The following RNF121 variants were observed in gnomAD, a reference collection of about 807,000 sequenced individuals.
RNF121 encodes ring finger protein 121, also known as E3 ubiquitin ligase RNF121.
A neutral mutation model predicts 46.5 loss-of-function variants in RNF121; 21 were observed. The observed-to-expected ratio is 0.45, with a 90% CI of 0.32 to 0.65. RNF121 has a LOEUF of 0.65. RNF121 is among the 30% of genes least tolerant of loss of function. The pLI is 0.04. For synonymous variants in RNF121, 139 were observed against 144.7 expected (o/e 0.96, Z 0.28); for missense variants, 346 against 416.0 (o/e 0.83, Z 1.46).
chr11:71,961,747 ATC>A (rs1954138885), intron 3 of RNF121, among the ~76,000 whole-genome samples: 1 of 152,156 alleles, frequency 6.6e-6, no homozygotes, highest in Admixed American at 6.5e-5. Flanking sequence ...CCCCTCATTT[ATC>A]GATATGCTGT....
At position 71,990,908 on chromosome 11, in the gene RNF121, C is replaced by T. The variant is rs1301046383; in HGVS notation, c.627+191C>T. On this transcript the variant is annotated intron_variant, in intron 6 of 8. Transcript: ENST00000361756. ...AACACAGCCATAAAAAAAGATAAAA[C>T]CATGTGCGTTGCAGCAACATGCCAG... 5 of 685,680 alleles carry T rather than the reference C, an allele frequency of 7.3e-6. No homozygotes were observed. In the Admixed American group the frequency reaches 1.2e-4, roughly 17 times the overall value. 42.5% of individuals were successfully genotyped at this position (685,680 alleles called of 1,614,324 possible). A position where few individuals can be genotyped will look rare whatever the true frequency, so the allele number is the denominator to read the frequency against.
intron 3 of RNF121, among the ~76,000 whole-genome samples, chr11:71,973,613 C>G (rs1408943550): frequency 6.6e-6 from 1 of 152,024 alleles, no homozygotes; most frequent in Non-Finnish European, 1.5e-5. Context: ...ATGGTAAAAC[C>G]CCGTCTCTAC....
At chr11:71,958,495 T>C (rs1954047396) in intron 2 of RNF121, among the ~76,000 whole-genome samples, 2 of 152,122 alleles carry the variant, frequency 1.3e-5, no homozygotes, top group South Asian at 4.1e-4. Context: ...CTGTCTTTAA[T>C]AGTCAAGGTA....
chr11:71,991,750 A>G (rs1954866253), intron 6 of RNF121, among the ~76,000 whole-genome samples: 1 of 152,194 alleles, frequency 6.6e-6, no homozygotes, highest in Non-Finnish European at 1.5e-5. Flanking sequence ...TGTATGGCCA[A>G]GAAGTGCCTG....
At chr11:71,929,225 C>T (rs2134135180) in intron 1 of RNF121, 101 bp downstream of exon 1, 3 of 1,469,950 alleles carry the variant, frequency 2.0e-6, no homozygotes, top group Admixed American at 4.7e-5. Flanking sequence ...GGGAAAGATC[C>T]TGAGAGGGAA....
chr11:71,991,906 A>T (rs1954869108), intron 6 of RNF121, among the ~76,000 whole-genome samples: 1 of 151,532 alleles, frequency 6.6e-6, no homozygotes, highest in African/African-American at 2.4e-5. Context: ...GGAGTTCAAG[A>T]CCAGCCTGAG....
chr11:71,967,304 A>G (rs1590795818), intron 3 of RNF121, among the ~76,000 whole-genome samples: 1 of 142,566 alleles, frequency 7.0e-6, no homozygotes, highest in Non-Finnish European at 1.5e-5. Flanking sequence ...AATATTATAT[A>G]TTGACTTCCT....
intron 4 of RNF121, chr11:71,983,784 CAG>C (rs1954710415): frequency 6.6e-6 from 1 of 152,386 alleles, no homozygotes; most frequent in Non-Finnish European, 1.5e-5. Context: ...AGTGCTATGA[CAG>C]AGGTTTGTGT....
At chr11:71,940,943 T>TA (rs1953553735) in intron 1 of RNF121, among the ~76,000 whole-genome samples, 1 of 152,226 alleles carries the variant, frequency 6.6e-6, no homozygotes, top group Non-Finnish European at 1.5e-5. Context: ...AATGAAAAGA[T>TA]ATGCAAGGCT....
At chr11:71,972,160 A>T (rs989789342) in intron 3 of RNF121, among the ~76,000 whole-genome samples, 2 of 152,218 alleles carry the variant, frequency 1.3e-5, no homozygotes, top group Admixed American at 1.3e-4. Flanking sequence ...ATTAATAAAA[A>T]TACAAGCAGA....
intron 4 of RNF121, among the ~76,000 whole-genome samples, chr11:71,986,072 A>ACAAC (rs1482193289): frequency 1.2e-4 from 19 of 152,164 alleles, no homozygotes; most frequent in African/African-American, 4.6e-4. Flanking sequence ...AGGAGCATGA[A>ACAAC]CAACCCCATT....
chr11:71,971,524 T>C (rs1212482081), intron 3 of RNF121, among the ~76,000 whole-genome samples: 1 of 152,172 alleles, frequency 6.6e-6, no homozygotes, highest in Non-Finnish European at 1.5e-5. Flanking sequence ...GAATGGAGAA[T>C]AGATGAGTAA....
intron 3 of RNF121, among the ~76,000 whole-genome samples, chr11:71,967,321 G>A (rs961287440): frequency 2.0e-5 from 3 of 146,374 alleles, no homozygotes; most frequent in African/African-American, 5.0e-5. Flanking sequence ...TCCTACTTTG[G>A]AAGGTAATAA....
chr11:71,952,004 C>G (rs761258666), intron 1 of RNF121, among the ~76,000 whole-genome samples: 45 of 152,256 alleles, frequency 3.0e-4, no homozygotes, highest in Non-Finnish European at 5.3e-4. Flanking sequence ...CATATATTCA[C>G]ACAAAAATTT....
At chr11:71,965,726 G>A (rs1010686889) in intron 3 of RNF121, among the ~76,000 whole-genome samples, 2 of 152,068 alleles carry the variant, frequency 1.3e-5, no homozygotes, top group Non-Finnish European at 2.9e-5. Flanking sequence ...AAATTGCCTG[G>A]TCAAAAAATA....
chr11:71,994,644 G>T, intron 6 of RNF121, 75 bp from the exon 7 acceptor site: 1 of 1,581,878 alleles, frequency 6.3e-7, no homozygotes, highest in South Asian at 1.1e-5. Flanking sequence ...GAAGGCCTGA[G>T]GTCTCTGTGG....
chr11:71,936,587 G>C (rs971554958), intron 1 of RNF121, among the ~76,000 whole-genome samples: 2 of 151,978 alleles, frequency 1.3e-5, no homozygotes, highest in Non-Finnish European at 2.9e-5. Flanking sequence ...GTAGAGACGG[G>C]GTTTCACCGT....
At chr11:71,990,912 G>A in intron 6 of RNF121, 195 bp downstream of exon 6, 2 of 656,592 alleles carry the variant, frequency 3.0e-6, no homozygotes, top group Non-Finnish European at 5.0e-6. Flanking sequence ...ATAAAACCAT[G>A]TGCGTTGCAG....
At chr11:71,943,903 T>A (rs1476277925) in intron 1 of RNF121, among the ~76,000 whole-genome samples, 3 of 151,776 alleles carry the variant, frequency 2.0e-5, no homozygotes, top group Admixed American at 2.0e-4. Context: ...AACCTCAGAG[T>A]AGAAGGTGGG....
Sources: allele counts gnomAD v4.1 joint callset (sites outside exome capture counted in the v4.1 genomes callset), GRCh38; gene constraint gnomAD v4.1.1; transcripts MANE v1.5; gene names NCBI Gene and HGNC (gene_info 2026-07-23, HGNC 2026-07-21).